Variants in GRK5 observed in about 807,000 individuals in gnomAD.
GRK5 encodes the protein g protein-coupled receptor kinase GRK5.
In GRK5, 40 loss-of-function variants were observed where a neutral mutation model predicts 78.4. That is an observed-to-expected ratio of 0.51 (90% CI 0.40 to 0.66). The LOEUF (loss-of-function observed/expected upper bound fraction) is 0.66, where lower values mean the gene tolerates loss of function less well. GRK5 is among the 30% of genes least tolerant of loss of function. GRK5 has a pLI of 0.00. For synonymous variants in GRK5, 289 were observed against 296.8 expected (o/e 0.97, Z 0.27); for missense variants, 598 against 759.9 (o/e 0.79, Z 2.50).
intron 6 of GRK5, among the ~76,000 whole-genome samples, chr10:119,427,615 T>C (rs371477132): frequency 4.0e-5 from 6 of 148,840 alleles, no homozygotes; most frequent in South Asian, 2.1e-4. Flanking sequence ...TCAGCATCAC[T>C]GCCATCATCA....
intron 1 of GRK5, among the ~76,000 whole-genome samples, chr10:119,325,746 T>C (rs1232290501): frequency 1.3e-5 from 2 of 152,208 alleles, no homozygotes; most frequent in Non-Finnish European, 2.9e-5. Flanking sequence ...CCCTGACACC[T>C]GTCCATCATC....
intron 2 of GRK5, among the ~76,000 whole-genome samples, chr10:119,368,111 G>C (rs1050684130): frequency 6.6e-6 from 1 of 152,202 alleles, no homozygotes; most frequent in Non-Finnish European, 1.5e-5. Flanking sequence ...CCGGGCCCTG[G>C]AAGGCAAGAT....
In GRK5 at chr10:119,456,639, C is replaced by T. The variant is rs1853406247; in HGVS notation, c.*1572C>T. The T allele has an allele frequency of 6.6e-6, 1 of 152,258 alleles. No homozygotes were observed. The highest frequency in any genetic ancestry group is 2.4e-5 in the African/African-American group (1 of 41,476). 9.4% of individuals were successfully genotyped at this position (152,258 alleles called of 1,614,324 possible). On this transcript the variant is annotated 3_prime_UTR_variant, in exon 16 of 16. Coordinates refer to ENST00000392870, the MANE Select transcript of GRK5 (RefSeq NM_005308.3). The surrounding 1 kb of genome is among the most constrained non-coding windows in gnomAD (Gnocchi z 5.5). ...GTGGACCCTGCCCTAGCTGCAGCTGCACCTCCTGTCAAAAGTGCAGACTCG... is the reference window on the plus strand; with the variant it reads ...GTGGACCCTGCCCTAGCTGCAGCTGTACCTCCTGTCAAAAGTGCAGACTCG...
rs568386299 is a variant in GRK5, at chr10:119,452,535, C to G, written c.1405-136C>G. 1.3e-4 allele frequency: 133 copies of G among 1,032,192 alleles called. No individual in the cohort carries two copies. The African/African-American group carries it at 1.8e-3, about 14-fold the overall frequency. The allele number at this position is 1,032,192 out of a possible 1,614,324, so 63.9% of individuals were successfully genotyped here. A position where few individuals can be genotyped will look rare whatever the true frequency, so the allele number is the denominator to read the frequency against. On this transcript the variant is annotated intron_variant, in intron 13 of 15. Coordinates refer to ENST00000392870, the MANE Select transcript of GRK5 (RefSeq NM_005308.3). The surrounding 1 kb of genome is among the most constrained non-coding windows in gnomAD (Gnocchi z 4.4). ...ACCTGCATCTGAGCCACACACCCTCCAGCCACTACCCATAGCAGTTCTGGG... is the reference window on the plus strand; with the variant it reads ...ACCTGCATCTGAGCCACACACCCTCGAGCCACTACCCATAGCAGTTCTGGG...
At chr10:119,343,318 C>G (rs1177482805) in intron 2 of GRK5, among the ~76,000 whole-genome samples, 1 of 152,178 alleles carries the variant, frequency 6.6e-6, no homozygotes, top group Non-Finnish European at 1.5e-5. Context: ...CAGCGTTATC[C>G]AACCAGCAAA....
At chr10:119,234,828 G>A (rs1848893919) in intron 1 of GRK5, among the ~76,000 whole-genome samples, 1 of 151,926 alleles carries the variant, frequency 6.6e-6, no homozygotes, top group African/African-American at 2.4e-5. Context: ...GAATACCTGG[G>A]ATTATAGGTG....
intron 3 of GRK5, among the ~76,000 whole-genome samples, chr10:119,382,024 A>G (rs1851718165): frequency 6.6e-6 from 1 of 152,180 alleles, no homozygotes; most frequent in African/African-American, 2.4e-5. Flanking sequence ...CCCCAAAGCT[A>G]CCAGCCCTGA....
chr10:119,420,496 T>C (rs755460560), intron 4 of GRK5, among the ~76,000 whole-genome samples: 1 of 151,966 alleles, frequency 6.6e-6, no homozygotes, highest in Non-Finnish European at 1.5e-5. Context: ...ATCATTTCTG[T>C]CTTACTGGAG....
At chr10:119,387,340 A>G (rs1851816938) in intron 3 of GRK5, among the ~76,000 whole-genome samples, 1 of 152,084 alleles carries the variant, frequency 6.6e-6, no homozygotes, top group South Asian at 2.1e-4. Flanking sequence ...TCTCAAGTCA[A>G]GTGGAAGGCT....
At chr10:119,285,402 G>A (rs1178044440) in intron 1 of GRK5, among the ~76,000 whole-genome samples, 1 of 152,232 alleles carries the variant, frequency 6.6e-6, no homozygotes, top group Non-Finnish European at 1.5e-5. Context: ...CTGGGTTGGG[G>A]GCAGAGATTG....
intron 1 of GRK5, among the ~76,000 whole-genome samples, chr10:119,236,395 T>C (rs1848929997): frequency 1.3e-5 from 2 of 151,930 alleles, no homozygotes; most frequent in Non-Finnish European, 2.9e-5. Context: ...TTTGTGTTTT[T>C]AGTAGAGATG....
intron 2 of GRK5, chr10:119,330,424 T>G (rs1850754949): frequency 6.6e-6 from 1 of 151,732 alleles, no homozygotes; most frequent in Non-Finnish European, 1.5e-5. Flanking sequence ...CTTGTCTCTT[T>G]TTATAAGAGC....
rs1850898844 is a variant in GRK5, at chr10:119,336,916, G to A, written c.148+10305G>A. On this transcript the variant is annotated intron_variant, in intron 2 of 15. Coordinates refer to ENST00000392870, the MANE Select transcript of GRK5 (RefSeq NM_005308.3). The surrounding 1 kb of genome is among the most constrained non-coding windows in gnomAD (Gnocchi z 4.5). ...AGGGTGGCCCCGCTGTCTTTGCGGT[G>A]TTAGTCTCACCTCCCCACTACGGCC... 6.6e-6 allele frequency among the ~76,000 whole-genome samples: 1 copy of A among 152,174 alleles called. No homozygotes were observed. The highest frequency in any genetic ancestry group is 1.5e-5 in the Non-Finnish European group (1 of 68,036).
rs113678623 is a variant in GRK5, at chr10:119,412,158, C to T, written c.340-11008C>T. ...GAGCCACTGCGCCCGGCCTCAGATC[C>T]GCTTCTGATTGGAGGCTGTGCCCAC... On this transcript the variant is annotated intron_variant, in intron 4 of 15. Coordinates refer to ENST00000392870, the MANE Select transcript of GRK5 (RefSeq NM_005308.3). This position sits in a 1 kb window ranked among gnomAD's most constrained non-coding sequence, Gnocchi z 4.3. 0.018 allele frequency among the ~76,000 whole-genome samples: 2,729 copies of T among 152,158 alleles called. 30 individuals are homozygous for T. Among genetic ancestry groups the T allele is most frequent in the Middle Eastern group, 0.031 (9 of 294 alleles).
Position 119,423,304 on chromosome 10 carries a change from T to TGCCC in GRK5, c.440+39_440+42dup, listed in dbSNP as rs771600477. On this transcript the variant is annotated intron_variant, in intron 5 of 15. Coordinates refer to ENST00000392870, the MANE Select transcript of GRK5 (RefSeq NM_005308.3). The stretch of plus-strand genomic sequence containing the variant: ...GTCACCTGGCCTGTCCTCCCCGGGC[T>TGCCC]GCCCAGAGATGGGATGCCGCAGCTC... The TGCCC allele has an allele frequency of 9.9e-6, 14 of 1,417,082 alleles. No homozygotes were observed. The East Asian group carries it at 3.0e-4, about 30-fold the overall frequency. The allele number at this position is 1,417,082 out of a possible 1,614,324, so 87.8% of individuals were successfully genotyped here.
At chr10:119,252,116 C>A (rs115961774) in intron 1 of GRK5, among the ~76,000 whole-genome samples, 1 of 152,172 alleles carries the variant, frequency 6.6e-6, no homozygotes, top group African/African-American at 2.4e-5. Flanking sequence ...TGCTGGCCTG[C>A]GTGGCGTGCT....
chr10:119,391,275 G>A (rs1447277070), intron 3 of GRK5, among the ~76,000 whole-genome samples: 2 of 152,182 alleles, frequency 1.3e-5, no homozygotes, highest in Admixed American at 1.3e-4. Context: ...AAGCTCTGGG[G>A]TTGACCAGGT....
rs1405487056 is a variant in GRK5, at chr10:119,267,329, CA to C, written c.53-59186del. On this transcript the variant is annotated intron_variant, in intron 1 of 15. Transcript: ENST00000392870. The surrounding 1 kb of genome is among the most constrained non-coding windows in gnomAD (Gnocchi z 4.1). ...AACTCCCTGCTTTAAGCGATCTTCC[CA>C]CCTTGGCCTCCCAAAGTGTGGGATT... 6.6e-6 allele frequency among the ~76,000 whole-genome samples: 1 copy of C among 152,220 alleles called. No homozygotes were observed. Among genetic ancestry groups the C allele is most frequent in the East Asian group, 1.9e-4 (1 of 5,188 alleles).
At chr10:119,383,998 G>T (rs980051480) in intron 3 of GRK5, among the ~76,000 whole-genome samples, 4 of 152,160 alleles carry the variant, frequency 2.6e-5, no homozygotes, top group African/African-American at 9.7e-5. Context: ...ATAAAGTCCA[G>T]GTTCCGAGGC....
Sources: allele counts gnomAD v4.1 joint callset (sites outside exome capture counted in the v4.1 genomes callset), GRCh38; gene constraint gnomAD v4.1.1; non-coding constraint Gnocchi (gnomAD v3.1); transcripts MANE v1.5; gene names NCBI Gene and HGNC (gene_info 2026-07-23, HGNC 2026-07-21).